Variants in CUBN observed in about 807,000 individuals in gnomAD.
The protein encoded by CUBN is cubilin.
In CUBN, 282 loss-of-function variants were observed where a neutral mutation model predicts 405.3. That is an observed-to-expected ratio of 0.70 (90% CI 0.63 to 0.77). The LOEUF (loss-of-function observed/expected upper bound fraction) is 0.77. Ranked by LOEUF, CUBN falls within the 30% of genes least tolerant of loss-of-function variation. The pLI, the probability that CUBN is intolerant of heterozygous loss-of-function variation, is 0.00. For missense variants in CUBN, 4,514 were observed against 4,475.2 expected (o/e 1.01, Z -0.25); for synonymous variants, 1,684 against 1,617.0 (o/e 1.04, Z -0.99).
chr10:16,947,415 A>G, intron 35 of CUBN, 48 bp from the exon 36 acceptor site: 1 of 1,601,570 alleles, frequency 6.2e-7, no homozygotes, highest in Non-Finnish European at 8.6e-7. Context: ...AGACTGCATC[A>G]GACACTATAA....
At chr10:16,925,480 C>T (rs753304374) in intron 42 of CUBN, 56 bp from the exon 43 acceptor site, 158 of 1,602,680 alleles carry the variant, frequency 9.9e-5, no homozygotes, top group Middle Eastern at 3.3e-4. Flanking sequence ...AGAAGGAGTA[C>T]GCAATTCTTA....
At chr10:16,887,998 C>G (rs1174958812) in intron 56 of CUBN, among the ~76,000 whole-genome samples, 1 of 152,188 alleles carries the variant, frequency 6.6e-6, no homozygotes, top group African/African-American at 2.4e-5. Context: ...ATTGCATGAT[C>G]TCACTTGGAT....
At chr10:17,001,294 A>G (rs931006969) in intron 28 of CUBN, among the ~76,000 whole-genome samples, 3 of 152,232 alleles carry the variant, frequency 2.0e-5, no homozygotes, top group Non-Finnish European at 4.4e-5. Flanking sequence ...GGGCAACCCC[A>G]GTGGATTGCC....
At chr10:16,916,967 C>T (rs746245733) in intron 45 of CUBN, among the ~76,000 whole-genome samples, 2 of 151,926 alleles carry the variant, frequency 1.3e-5, no homozygotes, top group Non-Finnish European at 2.9e-5. Context: ...GTGCCCACCA[C>T]CATGCCTGGC....
At chr10:16,828,252 A>C (rs1393267237) in intron 66 of CUBN, among the ~76,000 whole-genome samples, 3 of 152,148 alleles carry the variant, frequency 2.0e-5, no homozygotes, top group Non-Finnish European at 4.4e-5. Flanking sequence ...AGTCTAATGT[A>C]AGTAACTCCA....
chr10:16,862,679 T>C (rs1840052857), intron 59 of CUBN, among the ~76,000 whole-genome samples: 1 of 152,254 alleles, frequency 6.6e-6, no homozygotes, highest in South Asian at 2.1e-4. Context: ...TATTTTGTTT[T>C]TATGTTCCTG....
At chr10:17,086,860 C>T (rs779459001) in intron 15 of CUBN, among the ~76,000 whole-genome samples, 5 of 152,180 alleles carry the variant, frequency 3.3e-5, no homozygotes, top group Non-Finnish European at 7.4e-5. Flanking sequence ...GAGTGGTTGA[C>T]ACTTTCTACC....
chr10:16,869,915 T>G, intron 58 of CUBN, 62 bp from the exon 59 acceptor site: 2 of 1,229,790 alleles, frequency 1.6e-6, no homozygotes, highest in African/African-American at 1.5e-5. Flanking sequence ...ATTGTAGCTT[T>G]AGCTCTTGCA....
rs11284543 is a variant in CUBN, at chr10:17,085,965, ATT to A, written c.1948-208_1948-207del. ...ACCCCAATGCCTTCTCTCTGTCTGA[ATT>A]TTTTTTTTTTTTTTTTTGAGATGGA... On this transcript the variant is annotated intron_variant, in intron 15 of 66. Coordinates refer to ENST00000377833, the MANE Select transcript of CUBN (RefSeq NM_001081.4). 0.1 allele frequency among the ~76,000 whole-genome samples: 13,324 copies of A among 132,552 alleles called. 1,800 individuals are homozygous for A. Among genetic ancestry groups the A allele is most frequent in the African/African-American group, 0.35 (11,868 of 34,082 alleles). The allele number at this position is 132,552 out of a possible 152,430, so 87.0% of individuals were successfully genotyped here. A position where few individuals can be genotyped will look rare whatever the true frequency, so the allele number is the denominator to read the frequency against.
chr10:16,876,721 TC>T (rs1313247119), intron 57 of CUBN, among the ~76,000 whole-genome samples, 175 bp downstream of exon 57: 1 of 152,236 alleles, frequency 6.6e-6, no homozygotes, highest in African/African-American at 2.4e-5. Flanking sequence ...AAGGTCCTCT[TC>T]TTTTTAAGAA....
intron 59 of CUBN, among the ~76,000 whole-genome samples, chr10:16,862,160 T>TCTCTCTCTCTCACACA (rs144560387): frequency 3.0e-5 from 4 of 131,162 alleles, no homozygotes; most frequent in African/African-American, 1.3e-4. Context: ...TCTCTCTCTC[T>TCTCTCTCTCTCACACA]CACACACACA....
At position 17,053,965 on chromosome 10, in the gene CUBN, C is replaced by T. The variant is rs528095437; in HGVS notation, c.3140-6362G>A. Among the ~76,000 whole-genome samples, 21 of 151,992 alleles carry T rather than the reference C, an allele frequency of 1.4e-4. 1 individual carries two copies. The South Asian group carries it at 4.4e-3, about 32-fold the overall frequency. Reference sequence around the variant, plus strand: ...TTAAATAATACATTTGCAAATAATCCATAGAACAAAGAAGAAATCACAAGA... The same window carrying T: ...TTAAATAATACATTTGCAAATAATCTATAGAACAAAGAAGAAATCACAAGA... On this transcript the variant is annotated intron_variant, in intron 22 of 66. Transcript: ENST00000377833.
At chr10:16,831,073 C>A (rs1371861919) in intron 65 of CUBN, among the ~76,000 whole-genome samples, 179 bp downstream of exon 65, 2 of 150,984 alleles carry the variant, frequency 1.3e-5, no homozygotes, top group African/African-American at 4.9e-5. Context: ...GATGACACAG[C>A]GAGATTCCAT....
chr10:17,076,448 A>C (rs1835855238), intron 17 of CUBN, among the ~76,000 whole-genome samples: 1 of 149,516 alleles, frequency 6.7e-6, no homozygotes, highest in South Asian at 2.1e-4. Context: ...TATTGCGTTC[A>C]ATAATCTAGG....
intron 39 of CUBN, 23 bp downstream of exon 39, chr10:16,937,569 A>G: frequency 6.2e-7 from 1 of 1,608,682 alleles, no homozygotes; most frequent in Non-Finnish European, 8.5e-7. Context: ...CCTAAAAAGA[A>G]CTTCATTTAT....
intron 31 of CUBN, among the ~76,000 whole-genome samples, chr10:16,975,958 TC>T (rs1449541626): frequency 6.8e-6 from 1 of 147,056 alleles, no homozygotes; most frequent in Non-Finnish European, 1.5e-5. Context: ...AATATTTATT[TC>T]ACCTTTATTC....
intron 27 of CUBN, among the ~76,000 whole-genome samples, chr10:17,038,338 G>T (rs888521580): frequency 6.6e-6 from 1 of 152,124 alleles, no homozygotes; most frequent in African/African-American, 2.4e-5. Flanking sequence ...AACTCTTCAG[G>T]TTGATTCCCC....
intron 17 of CUBN, among the ~76,000 whole-genome samples, chr10:17,078,908 C>T (rs1835910526): frequency 6.6e-6 from 1 of 152,176 alleles, no homozygotes; most frequent in Admixed American, 6.5e-5. Context: ...CTGCTTACTG[C>T]TCTACATCAC....
intron 12 of CUBN, among the ~76,000 whole-genome samples, chr10:17,103,634 A>ATATAAGTT (rs1183879147): frequency 6.6e-6 from 1 of 152,198 alleles, no homozygotes; most frequent in Admixed American, 6.5e-5. Flanking sequence ...AGTATTTTAC[A>ATATAAGTT]CTTTCATATT....
Sources: allele counts gnomAD v4.1 joint callset (sites outside exome capture counted in the v4.1 genomes callset), GRCh38; gene constraint gnomAD v4.1.1; transcripts MANE v1.5; gene names NCBI Gene and HGNC (gene_info 2026-07-23, HGNC 2026-07-21).